BIN2: variants seen among roughly 807,000 people sequenced by gnomAD.
The protein encoded by BIN2 is bridging integrator 2, also known as breast cancer associated protein BRAP1.
A neutral mutation model predicts 67.9 loss-of-function variants in BIN2; 43 were observed. The ratio of observed to expected loss-of-function variants is 0.63; its 90% CI spans 0.50 to 0.82. BIN2 has a LOEUF of 0.82. Among genes scored for constraint, BIN2 ranks in the 40% least tolerant of loss-of-function variants. The pLI is 0.00. For synonymous variants in BIN2, 244 were observed against 246.8 expected (o/e 0.99, Z 0.11); for missense variants, 581 against 671.6 (o/e 0.87, Z 1.49).
chr12:51,288,006 G>C, intron 11 of BIN2, 102 bp downstream of exon 11: 1 of 812,776 alleles, frequency 1.2e-6, no homozygotes, highest in Non-Finnish European at 2.0e-6. Flanking sequence ...TGTGAATCAA[G>C]ACTGAAGGCC....
chr12:51,297,375 T>G, intron 7 of BIN2: 1 of 386,950 alleles, frequency 2.6e-6, no homozygotes. Flanking sequence ...AAGACCATCC[T>G]GGCTAACATG....
At chr12:51,300,185 G>A (rs1401514237) in intron 5 of BIN2, among the ~76,000 whole-genome samples, 3 of 152,044 alleles carry the variant, frequency 2.0e-5, no homozygotes, top group Admixed American at 6.6e-5. Flanking sequence ...GTCTCCCTCA[G>A]TATCTGGGAA....
chr12:51,305,641 G>GA (rs1375807192), intron 2 of BIN2, among the ~76,000 whole-genome samples: 1 of 150,552 alleles, frequency 6.6e-6, no homozygotes, highest in Non-Finnish European at 1.5e-5. Context: ...AAAAAAATGA[G>GA]AAAAAAAGGA....
At chr12:51,323,881 C>T in intron 1 of BIN2, 141 bp downstream of exon 1, 1 of 1,053,280 alleles carries the variant, frequency 9.5e-7, no homozygotes, top group Non-Finnish European at 1.3e-6. Flanking sequence ...TCCCGTTTCC[C>T]TGGGAGAGCG....
intron 1 of BIN2, among the ~76,000 whole-genome samples, chr12:51,316,749 G>A (rs991601725): frequency 3.9e-5 from 6 of 151,938 alleles, no homozygotes; most frequent in African/African-American, 1.2e-4. Flanking sequence ...GTTCAACTCC[G>A]TATCTTTTGT....
At chr12:51,299,328 G>T in intron 6 of BIN2, 40 bp from the exon 7 acceptor site, 1 of 1,568,600 alleles carries the variant, frequency 6.4e-7, no homozygotes, top group South Asian at 1.1e-5. Flanking sequence ...CCTCAATTCT[G>T]AACCCAGTAC....
intron 10 of BIN2, among the ~76,000 whole-genome samples, chr12:51,290,096 T>C (rs1418051977): frequency 6.6e-6 from 1 of 151,336 alleles, no homozygotes; most frequent in Non-Finnish European, 1.5e-5. Context: ...TTTATTTTAT[T>C]TTGTATTAAT....
intron 9 of BIN2, among the ~76,000 whole-genome samples, chr12:51,293,238 A>G (rs553367521): frequency 2.8e-4 from 42 of 152,124 alleles, no homozygotes; most frequent in African/African-American, 1.0e-3. Flanking sequence ...GCTGGATGCC[A>G]TGCTTATCCT....
At chr12:51,296,248 G>A (rs1353984937) in intron 8 of BIN2, among the ~76,000 whole-genome samples, 3 of 152,124 alleles carry the variant, frequency 2.0e-5, no homozygotes, top group Non-Finnish European at 4.4e-5. Flanking sequence ...TGTAATCCCA[G>A]CACTTTGGGA....
At chr12:51,321,451 G>A (rs971089455) in intron 1 of BIN2, among the ~76,000 whole-genome samples, 3 of 151,964 alleles carry the variant, frequency 2.0e-5, no homozygotes, top group Non-Finnish European at 2.9e-5. Context: ...ACAAGTTGGA[G>A]TGCAATGGCG....
chr12:51,320,114 A>G (rs1237517749), intron 1 of BIN2, among the ~76,000 whole-genome samples: 4 of 152,048 alleles, frequency 2.6e-5, no homozygotes, highest in African/African-American at 7.2e-5. Context: ...GCCTCCAAGC[A>G]GCCAGGACTA....
chr12:51,322,477 G>A (rs947157648), intron 1 of BIN2: 2 of 152,388 alleles, frequency 1.3e-5, no homozygotes, highest in Admixed American at 6.5e-5. Flanking sequence ...CTGCAGTCTT[G>A]ATCTCCTGGG....
intron 1 of BIN2, among the ~76,000 whole-genome samples, chr12:51,319,402 G>A (rs980692069): frequency 2.0e-5 from 3 of 152,170 alleles, no homozygotes; most frequent in African/African-American, 7.2e-5. Flanking sequence ...TACATGTTAG[G>A]GCACTTATAC....
rs1945537485 is a variant in BIN2 at position 51,295,580 on chromosome 12, ATATATATATATATAT to A, written c.761+201_761+215del. On this transcript the variant is annotated intron_variant, in intron 9 of 12. Transcript: ENST00000615107. The stretch of plus-strand genomic sequence containing the variant: ...TCCGTCTCAAAAAAAAAAAAAAAAT[ATATATATATATATAT>A]ATATATATATATATATATATATATA... Among the ~76,000 whole-genome samples, 51 of 39,458 alleles carry A rather than the reference ATATATATATATATAT, an allele frequency of 1.3e-3. 4 individuals carry two copies. The East Asian group carries it at 0.021, about 16-fold the overall frequency. The allele number at this position is 39,458 out of a possible 152,430, so 25.9% of individuals were successfully genotyped here.
chr12:51,316,421 G>A (rs1431166963), intron 1 of BIN2, among the ~76,000 whole-genome samples: 2 of 151,984 alleles, frequency 1.3e-5, no homozygotes, highest in African/African-American at 4.8e-5. Context: ...ACTTGAGCCT[G>A]TGAGGCAGAG....
Position 51,320,023 on chromosome 12 carries a change from T to C in BIN2, c.81+3999A>G, listed in dbSNP as rs1029644795. Among the ~76,000 whole-genome samples, 3 of 152,040 alleles carry C rather than the reference T, an allele frequency of 2.0e-5. No homozygotes were observed. In the East Asian group the frequency reaches 5.8e-4, roughly 29 times the overall value. On this transcript the variant is annotated intron_variant, in intron 1 of 12. Coordinates refer to ENST00000615107, the MANE Select transcript of BIN2 (RefSeq NM_016293.4). ...ACTTTCGAGACAGAGTCTAGCTCTA[T>C]TGCCCAGGCTGGAGTGCAGTGGCAC...
intron 12 of BIN2, among the ~76,000 whole-genome samples, chr12:51,283,448 C>T (rs1251532413): frequency 6.6e-6 from 1 of 151,974 alleles, no homozygotes; most frequent in Non-Finnish European, 1.5e-5. Flanking sequence ...ATGGGTGATC[C>T]TGACCGTAGG....
chr12:51,297,335 A>G (rs903821123), intron 7 of BIN2, 171 bp from the exon 8 acceptor site: 36 of 557,544 alleles, frequency 6.5e-5, no homozygotes, highest in Non-Finnish European at 1.0e-4. Context: ...TTGGGAGGCC[A>G]AGGTGGGCGT....
chr12:51,316,885 T>C (rs889302556), intron 1 of BIN2, among the ~76,000 whole-genome samples: 1 of 152,072 alleles, frequency 6.6e-6, no homozygotes, highest in African/African-American at 2.4e-5. Flanking sequence ...TTATTATTAT[T>C]ATTATTTTGA....
Sources: allele counts gnomAD v4.1 joint callset (sites outside exome capture counted in the v4.1 genomes callset), GRCh38; gene constraint gnomAD v4.1.1; transcripts MANE v1.5; gene names NCBI Gene and HGNC (gene_info 2026-07-23, HGNC 2026-07-21).